The following KIF9 variants were observed in gnomAD, a reference collection of about 807,000 sequenced individuals.
The protein encoded by KIF9 is kinesin family member 9.
A neutral mutation model predicts 94.8 loss-of-function variants in KIF9; 68 were observed. That is an observed-to-expected ratio of 0.72 (90% CI 0.59 to 0.88). The LOEUF (loss-of-function observed/expected upper bound fraction) is 0.88, where lower values mean the gene tolerates loss of function less well. Ranked by LOEUF, KIF9 falls within the 40% of genes least tolerant of loss-of-function variation. The probability of loss-of-function intolerance (pLI) is 0.00; values close to 1 mark genes in which losing one functional copy is unlikely to be tolerated. For missense variants in KIF9, 882 were observed against 982.5 expected (o/e 0.90, Z 1.37); for synonymous variants, 343 against 362.1 (o/e 0.95, Z 0.60).
intron 10 of KIF9, among the ~76,000 whole-genome samples, chr3:47,251,617 G>C (rs1438745825): frequency 6.6e-6 from 1 of 152,178 alleles, no homozygotes; most frequent in Non-Finnish European, 1.5e-5. Context: ...AAATGCCTTG[G>C]AAACAGCACA....
At chr3:47,236,257 G>GGAA (rs2107079484) in intron 18 of KIF9, 108 bp from the exon 19 acceptor site, 1 of 1,020,642 alleles carries the variant, frequency 9.8e-7, no homozygotes, top group South Asian at 1.4e-5. Flanking sequence ...CCTGCTCCAA[G>GGAA]GTCTTACCCT....
intron 20 of KIF9, among the ~76,000 whole-genome samples, chr3:47,229,405 C>T (rs1698386530): frequency 6.6e-6 from 1 of 152,146 alleles, no homozygotes. Flanking sequence ...TTCAATCAAA[C>T]ACAAGGTCAC....
rs759385999 is a variant in KIF9, at chr3:47,244,622, C to T, written c.1514+169G>A. The T allele has an allele frequency of 2.3e-4, 188 of 808,170 alleles. No homozygotes were observed. In the Middle Eastern group the frequency reaches 2.7e-3, roughly 12 times the overall value. The allele number at this position is 808,170 out of a possible 1,614,324, so 50.1% of individuals were successfully genotyped here. A position where few individuals can be genotyped will look rare whatever the true frequency, so the allele number is the denominator to read the frequency against. On this transcript the variant is annotated intron_variant, in intron 15 of 20. Coordinates refer to ENST00000684063, the MANE Select transcript of KIF9 (RefSeq NM_182902.4). Reference sequence around the variant, plus strand: ...GAGATGATTCTTGTGCGGTTCCAAACCAGCCCCAGCCCGGGCCCCACAGAC... The same window carrying T: ...GAGATGATTCTTGTGCGGTTCCAAATCAGCCCCAGCCCGGGCCCCACAGAC...
chr3:47,235,592 C>T lies in KIF9; in HGVS notation c.2243G>A (p.Ser748Asn). The part of the protein sequence containing the change: ...SLGEDDQDKF[S>N]QLQQRVLPEG... Reference sequence around the variant, plus strand: ...AGGAAGCACCCTCTGCTGCAGCTGGCTGAATTTGTCCTGGTCATCTTCTCC... The same window carrying T: ...AGGAAGCACCCTCTGCTGCAGCTGGTTGAATTTGTCCTGGTCATCTTCTCC... The change falls in exon 20 of 21, where the codon AGC (serine) becomes AAC (asparagine). Residue 748 changes from serine to asparagine, a missense_variant. Coordinates refer to ENST00000684063, the MANE Select transcript of KIF9 (RefSeq NM_182902.4). 6.2e-7 allele frequency: 1 copy of T among 1,614,106 alleles called. No individual in the cohort carries two copies.
At chr3:47,242,866 A>G in intron 16 of KIF9, 185 bp downstream of exon 16, 1 of 453,114 alleles carries the variant, frequency 2.2e-6, no homozygotes, top group Non-Finnish European at 3.9e-6. Context: ...TGCATCTTGG[A>G]TGACTCCTGA....
chr3:47,241,568 C>T (rs1184213133), intron 16 of KIF9, among the ~76,000 whole-genome samples: 8 of 151,194 alleles, frequency 5.3e-5, no homozygotes, highest in African/African-American at 9.7e-5. Context: ...GTAATCCACC[C>T]GCCTCAGCCT....
chr3:47,266,805 C>T (rs529659916), intron 7 of KIF9, among the ~76,000 whole-genome samples, 171 bp downstream of exon 7: 5 of 152,174 alleles, frequency 3.3e-5, no homozygotes, highest in African/African-American at 1.2e-4. Context: ...AGGTAATAGC[C>T]GTTCCCTTTT....
chr3:47,277,982 C>G (rs768303334), intron 1 of KIF9, among the ~76,000 whole-genome samples: 6 of 150,838 alleles, frequency 4.0e-5, no homozygotes, highest in Admixed American at 6.6e-5. Flanking sequence ...ATATTCTCAT[C>G]ATTTTCTTTC....
chr3:47,265,411 G>T (rs1468375928), intron 8 of KIF9, among the ~76,000 whole-genome samples: 3 of 152,162 alleles, frequency 2.0e-5, no homozygotes, highest in African/African-American at 7.2e-5. Flanking sequence ...GACACCATGG[G>T]AGAGAGGCCC....
chr3:47,256,678 G>A (rs534739137), intron 10 of KIF9, among the ~76,000 whole-genome samples: 25 of 152,260 alleles, frequency 1.6e-4, no homozygotes, highest in Non-Finnish European at 3.1e-4. Context: ...CATGATGACA[G>A]TGGCAGTTTT....
Position 47,244,928 on chromosome 3 carries a change from CAT to C in KIF9, c.1381-6_1381-5del. ...CATCAACATCCACAAGCCCCGCCTA[CAT>C]AGAGAGGCCAGCCAAAGGTCTGTGA... is the stretch of plus-strand genomic sequence containing the variant. On this transcript the variant is annotated splice_polypyrimidine_tract_variant and splice_region_variant and intron_variant, in intron 14 of 20. Transcript: ENST00000684063. 6.2e-7 allele frequency: 1 copy of C among 1,613,992 alleles called. No homozygotes were observed. The highest frequency in any genetic ancestry group is 8.5e-7 in the Non-Finnish European group (1 of 1,179,900).
At chr3:47,277,693 T>C (rs1287096142) in intron 1 of KIF9, among the ~76,000 whole-genome samples, 2 of 152,342 alleles carry the variant, frequency 1.3e-5, no homozygotes, top group South Asian at 4.1e-4. Context: ...TTTCTAGAAA[T>C]GTTCTGCAAC....
Position 47,244,922 on chromosome 3 carries a change from C to T in KIF9, c.1383G>A (p.Ala461=), listed in dbSNP as rs373122209. The change falls in exon 15 of 21, where the codon GCG becomes GCA. Residue 461 remains alanine, a splice_region_variant and synonymous_variant. Transcript: ENST00000684063. ...DFAAISAIQK[A]GLVDVDGHLV... ...GGTGGCCATCAACATCCACAAGCCC[C>T]GCCTACATAGAGAGGCCAGCCAAAG... 22 of 1,613,962 alleles carry T rather than the reference C, an allele frequency of 1.4e-5. No homozygotes were observed. Among genetic ancestry groups the T allele is most frequent in the Admixed American group, 1.7e-5 (1 of 59,986 alleles).
In KIF9 at chr3:47,235,557, C is replaced by T; in HGVS notation, c.2278G>A (p.Asp760Asn). ...LQQRVLPEGPDSISFYNAKVK... is the reference protein window; with the variant it reads ...LQQRVLPEGPNSISFYNAKVK... ...TTGGCATTGTAGAAGGAGATGGAAT[C>T]AGGGCCCTCAGGAAGCACCCTCTGC... Residue 760 changes from aspartate (D) to asparagine (N), a missense_variant, in exon 20 of 21, where the codon GAT becomes AAT. Transcript: ENST00000684063. The T allele has an allele frequency of 6.2e-7, 1 of 1,614,138 alleles. No homozygotes were observed. Among genetic ancestry groups the T allele is most frequent in the Non-Finnish European group, 8.5e-7 (1 of 1,179,994 alleles).
chr3:47,265,163 C>T (rs1159397754), intron 8 of KIF9, among the ~76,000 whole-genome samples: 1 of 152,146 alleles, frequency 6.6e-6, no homozygotes, highest in Middle Eastern at 3.2e-3. Context: ...GAAAGAGAGG[C>T]CACCACATGT....
At chr3:47,255,821 A>G (rs1295111624) in intron 10 of KIF9, among the ~76,000 whole-genome samples, 5 of 151,664 alleles carry the variant, frequency 3.3e-5, no homozygotes, top group Non-Finnish European at 5.9e-5. Flanking sequence ...CCGAAGCTGG[A>G]CTGTACTGCT....
At position 47,271,354 on chromosome 3, in the gene KIF9, A is replaced by G; in HGVS notation, c.474T>C (p.Tyr158=). Residue 158 remains tyrosine, a synonymous_variant, in exon 5 of 21, where the codon TAT becomes TAC. Coordinates refer to ENST00000684063, the MANE Select transcript of KIF9 (RefSeq NM_182902.4). ...SLFDLLSTLP[Y]VGPSVTPMTI... ...TCATTGGTGTGACTGAGGGTCCAAC[A>G]TAGGGCAGAGTGGACAGGAGATCAA... The G allele has an allele frequency of 6.2e-7, 1 of 1,613,940 alleles. No individual in the cohort carries two copies. Among genetic ancestry groups the G allele is most frequent in the Non-Finnish European group, 8.5e-7 (1 of 1,179,872 alleles).
intron 13 of KIF9, 26 bp downstream of exon 13, chr3:47,246,171 A>T (rs1274649270): frequency 5.0e-6 from 8 of 1,603,510 alleles, no homozygotes; most frequent in Non-Finnish European, 6.8e-6. Context: ...TGATGTAGGA[A>T]TGAGGTAGGG....
chr3:47,247,214 T>A (rs1699981247), intron 12 of KIF9, among the ~76,000 whole-genome samples, 159 bp downstream of exon 12: 1 of 152,170 alleles, frequency 6.6e-6, no homozygotes, highest in Non-Finnish European at 1.5e-5. Context: ...GCCCCTGAGA[T>A]GAGCTGAAGG....
Sources: allele counts gnomAD v4.1 joint callset (sites outside exome capture counted in the v4.1 genomes callset), GRCh38; gene constraint gnomAD v4.1.1; transcripts MANE v1.5; gene names NCBI Gene and HGNC (gene_info 2026-07-23, HGNC 2026-07-21).